BARD1: variants seen among roughly 807,000 people sequenced by gnomAD.
The protein encoded by BARD1 is BRCA1-associated RING domain protein 1.
In BARD1, 73 loss-of-function variants were observed where a neutral mutation model predicts 77.0. The ratio of observed to expected loss-of-function variants is 0.95; its 90% CI spans 0.79 to 1.15. The LOEUF (loss-of-function observed/expected upper bound fraction) is 1.15, where lower values mean the gene tolerates loss of function less well. Ranked by LOEUF, BARD1 falls within the 50% of genes most tolerant of loss-of-function variation. BARD1 has a pLI of 0.00. For missense variants in BARD1, 993 were observed against 938.8 expected, an observed-to-expected ratio of 1.06 and a Z score of -0.75; for synonymous variants, 384 against 338.0, an observed-to-expected ratio of 1.14 and a Z score of -1.49.
chr2:214,771,023 T>C lies in BARD1; in HGVS notation c.1315-1711A>G, dbSNP rs570620811. Among the ~76,000 whole-genome samples the C allele has an allele frequency of 2.6e-5, 4 of 152,338 alleles. No individual in the cohort carries two copies. In the East Asian group the frequency reaches 7.7e-4, roughly 29 times the overall value. ...AAATCTCTAGCTGTAATATAAAGGA[T>C]ACTGTCCCTTTGTAAAACAATGTCA... is the stretch of plus-strand genomic sequence containing the variant. On this transcript the variant is annotated intron_variant, in intron 4 of 10. Transcript: ENST00000260947.
chr2:214,791,989 CTTTAA>C (rs1695533912), intron 3 of BARD1, among the ~76,000 whole-genome samples: 1 of 151,840 alleles, frequency 6.6e-6, no homozygotes, highest in African/African-American at 2.4e-5. Context: ...GGGGGTTAGA[CTTTAA>C]TTATCTCTAT....
At chr2:214,792,647 G>A (rs1695582454) in intron 2 of BARD1, among the ~76,000 whole-genome samples, 1 of 152,106 alleles carries the variant, frequency 6.6e-6, no homozygotes, top group South Asian at 2.1e-4. Context: ...TTGCTATGAA[G>A]AGACTTTACT....
intron 7 of BARD1, among the ~76,000 whole-genome samples, chr2:214,747,845 T>G (rs1693207069): frequency 6.7e-6 from 1 of 149,156 alleles, no homozygotes; most frequent in Non-Finnish European, 1.5e-5. Flanking sequence ...ACCCTAAAAC[T>G]TAAAGTATAA....
chr2:214,737,688 A>C (rs1692627541), intron 9 of BARD1, among the ~76,000 whole-genome samples: 1 of 152,174 alleles, frequency 6.6e-6, no homozygotes, highest in Non-Finnish European at 1.5e-5. Flanking sequence ...ATGGTGATAC[A>C]TTATCAATGC....
chr2:214,803,282 C>T (rs1487615675), intron 1 of BARD1, among the ~76,000 whole-genome samples: 2 of 152,004 alleles, frequency 1.3e-5, no homozygotes, highest in Non-Finnish European at 2.9e-5. Flanking sequence ...AAGACCTGAC[C>T]GTCCCCCAGC....
rs1178751431 is a variant in BARD1 at position 214,781,227 on chromosome 2, T to C, written c.647A>G (p.Gln216Arg). ...QKKKTLAEIN[Q>R]KWNLEAEKED... ...TTTTTCTGCCTCTAAATTCCATTTT[T>C]GGTTGATTTCAGCTAAAGTTTTCTT... Residue 216 changes from glutamine to arginine, a missense_variant, in exon 4 of 11, where the codon CAA (glutamine) becomes CGA (arginine). Gln to Arg is a conservative substitution (Grantham distance 43). Coordinates refer to ENST00000260947, the MANE Select transcript of BARD1 (RefSeq NM_000465.4). 1 of 1,594,816 alleles carries C rather than the reference T, an allele frequency of 6.3e-7. No individual in the cohort carries two copies. Among genetic ancestry groups the C allele is most frequent in the African/African-American group, 1.4e-5 (1 of 73,414 alleles).
intron 6 of BARD1, among the ~76,000 whole-genome samples, chr2:214,752,954 G>A (rs1693528813): frequency 6.6e-6 from 1 of 152,076 alleles, no homozygotes; most frequent in Admixed American, 6.6e-5. Flanking sequence ...ACAGGACAGG[G>A]ATTTTGTTCT....
rs535941365 is a variant in BARD1 at position 214,739,835 on chromosome 2, T to C, written c.1903+5232A>G. On this transcript the variant is annotated intron_variant, in intron 9 of 10. Transcript: ENST00000260947. ...AGTAAAAATTCTGGCTATCAGCATA[T>C]TTATATGTAGAAATATATTTCTTCA... Among the ~76,000 whole-genome samples the C allele has an allele frequency of 1.0e-3, 156 of 152,228 alleles. 1 individual carries two copies. The highest frequency in any genetic ancestry group is 1.9e-3 in the Non-Finnish European group (131 of 67,948).
At position 214,728,859 on chromosome 2, in the gene BARD1, G is replaced by C. The variant is rs1553612158; in HGVS notation, c.2151C>G (p.Ile717Met). ...GTCTCGCATGGTATGCGACTGTATT[G>C]ATGGTCTGAGTCACGTCACTGTCTG... ...PKPDSDVTQT[I>M]NTVAYHARPD... The change falls in exon 11 of 11, where the codon ATC (isoleucine) becomes ATG (methionine). Residue 717 changes from isoleucine to methionine, a missense_variant. Physicochemically the swap from Ile to Met is conservative, Grantham distance 10. Coordinates refer to ENST00000260947, the MANE Select transcript of BARD1 (RefSeq NM_000465.4). 6.2e-7 allele frequency: 1 copy of C among 1,614,210 alleles called. No homozygotes were observed. Among genetic ancestry groups the C allele is most frequent in the East Asian group, 2.2e-5 (1 of 44,876 alleles).
chr2:214,770,360 T>C (rs1399470644), intron 4 of BARD1, among the ~76,000 whole-genome samples: 1 of 152,214 alleles, frequency 6.6e-6, no homozygotes, highest in East Asian at 1.9e-4. Flanking sequence ...TCTATTCCAG[T>C]ACTCTGGAGA....
At chr2:214,741,185 C>G (rs552459665) in intron 9 of BARD1, among the ~76,000 whole-genome samples, 1 of 152,198 alleles carries the variant, frequency 6.6e-6, no homozygotes, top group Non-Finnish European at 1.5e-5. Flanking sequence ...CTGGCACATT[C>G]CTTCAGTAAT....
rs777937955 is a variant in BARD1, at chr2:214,752,502, G to T, written c.1622C>A (p.Ser541Ter). Residue 541 changes from serine to a stop codon, truncating the protein, a stop_gained, in exon 7 of 11, where the codon TCG (serine) becomes TAG (stop). Transcript: ENST00000260947. LOFTEE classifies it high-confidence loss of function. ...VDYTDDESMK[S>*]LLLLPEKNES... is the part of the protein sequence containing the mutation. ...ATTCTTCTCTGGTAGCAGCAATAGC[G>T]ATTTCATACTTTCATCATCTGTATA... 1 of 1,613,726 alleles carries T rather than the reference G, an allele frequency of 6.2e-7. No individual in the cohort carries two copies. Among genetic ancestry groups the T allele is most frequent in the Non-Finnish European group, 8.5e-7 (1 of 1,179,798 alleles).
intron 1 of BARD1, among the ~76,000 whole-genome samples, chr2:214,800,945 G>T (rs1309690254): frequency 6.6e-6 from 1 of 151,860 alleles, no homozygotes; most frequent in Non-Finnish European, 1.5e-5. Context: ...TTTGAGAATA[G>T]TTAGGAAGTT....
Position 214,738,325 on chromosome 2 carries a change from G to C in BARD1, c.1903+6742C>G, listed in dbSNP as rs113597756. ...AGATCTTATTAATTTTTTACATATA[G>C]GTAAGCAGCCCCATTTCTAAAGTAC... On this transcript the variant is annotated intron_variant, in intron 9 of 10. Transcript: ENST00000260947. Among the ~76,000 whole-genome samples, 216 of 152,070 alleles carry C rather than the reference G, an allele frequency of 1.4e-3. 1 individual carries two copies. The highest frequency in any genetic ancestry group is 4.8e-3 in the African/African-American group (201 of 41,492).
intron 9 of BARD1, among the ~76,000 whole-genome samples, chr2:214,736,866 T>C (rs1692589581): frequency 6.6e-6 from 1 of 152,148 alleles, no homozygotes; most frequent in African/African-American, 2.4e-5. Flanking sequence ...GTTACAATGA[T>C]TGAGTTAAAC....
chr2:214,774,637 C>G (rs2106094507), intron 4 of BARD1, among the ~76,000 whole-genome samples: 1 of 152,310 alleles, frequency 6.6e-6, no homozygotes, highest in East Asian at 1.9e-4. Context: ...GCTTCCACTT[C>G]AAGTCACCAG....
At chr2:214,809,280 G>T in intron 1 of BARD1, 132 bp downstream of exon 1, 1 of 1,334,050 alleles carries the variant, frequency 7.5e-7, no homozygotes, top group Non-Finnish European at 1.0e-6. Flanking sequence ...CCCGGCAGGT[G>T]CTAACCGCAC....
chr2:214,803,877 T>C (rs1305739582), intron 1 of BARD1, among the ~76,000 whole-genome samples: 5 of 152,136 alleles, frequency 3.3e-5, no homozygotes, highest in Admixed American at 6.5e-5. Context: ...GAGGATAACT[T>C]AGGGAAGAAT....
chr2:214,784,037 T>A (rs2106117752), intron 3 of BARD1, among the ~76,000 whole-genome samples: 1 of 152,160 alleles, frequency 6.6e-6, no homozygotes, highest in South Asian at 2.1e-4. Context: ...ACAAATGGGA[T>A]CTAATTAAAC....
Sources: allele counts gnomAD v4.1 joint callset (sites outside exome capture counted in the v4.1 genomes callset), GRCh38; gene constraint gnomAD v4.1.1; transcripts MANE v1.5; gene names NCBI Gene and HGNC (gene_info 2026-07-23, HGNC 2026-07-21).